MYO6: variants seen among roughly 807,000 people sequenced by gnomAD.
MYO6 encodes myosin VI, also known as unconventional myosin-VI.
Under a neutral mutation model 178.7 loss-of-function variants are expected in MYO6, and 74 were observed. The observed-to-expected ratio is 0.41, with a 90% CI of 0.34 to 0.50. The LOEUF (loss-of-function observed/expected upper bound fraction) is 0.50. Among genes scored for constraint, MYO6 ranks in the 20% least tolerant of loss-of-function variants. The pLI is 0.09. For missense variants in MYO6, 1,330 were observed against 1,547.4 expected, an observed-to-expected ratio of 0.86 and a Z score of 2.36; for synonymous variants, 477 against 504.6, an observed-to-expected ratio of 0.95 and a Z score of 0.73.
chr6:75,908,719 A>G (rs1246516662), intron 32 of MYO6, 92 bp downstream of exon 32: 7 of 1,394,104 alleles, frequency 5.0e-6, no homozygotes, highest in Non-Finnish European at 7.1e-6. Context: ...TGTCCCATAT[A>G]AATTTTCTCC....
intron 1 of MYO6, among the ~76,000 whole-genome samples, chr6:75,749,723 C>A (rs2149934726): frequency 6.6e-6 from 1 of 152,318 alleles, no homozygotes; most frequent in African/African-American, 2.4e-5. Flanking sequence ...GTGCCTAACT[C>A]GGACTTGGAC....
intron 1 of MYO6, among the ~76,000 whole-genome samples, chr6:75,781,103 G>A (rs1030812067): frequency 7.9e-5 from 12 of 151,974 alleles, no homozygotes; most frequent in African/African-American, 2.7e-4. Flanking sequence ...ATAAGCCACC[G>A]TGCCCAGCCG....
At chr6:75,773,988 G>A (rs1439999926) in intron 1 of MYO6, among the ~76,000 whole-genome samples, 2 of 152,152 alleles carry the variant, frequency 1.3e-5, no homozygotes, top group East Asian at 1.9e-4. Flanking sequence ...TTTATAAGGT[G>A]ACTGGGAAAT....
chr6:75,756,334 G>GT (rs972270527), intron 1 of MYO6, among the ~76,000 whole-genome samples: 3 of 152,072 alleles, frequency 2.0e-5, no homozygotes, highest in Non-Finnish European at 4.4e-5. Context: ...AGCAGCTATT[G>GT]TTTTTTCTTT....
intron 1 of MYO6, among the ~76,000 whole-genome samples, chr6:75,791,145 G>T (rs1768196649): frequency 1.3e-5 from 2 of 152,166 alleles, no homozygotes; most frequent in South Asian, 4.1e-4. Flanking sequence ...GTGTTAGCCA[G>T]GATGGTCTTG....
intron 1 of MYO6, among the ~76,000 whole-genome samples, chr6:75,807,171 G>C (rs1404888045): frequency 6.6e-6 from 1 of 152,170 alleles, no homozygotes; most frequent in Non-Finnish European, 1.5e-5. Flanking sequence ...TTTACTTACT[G>C]CTTTGAGTGT....
At chr6:75,749,623 GA>G (rs1776669829) in intron 1 of MYO6, among the ~76,000 whole-genome samples, 200 bp downstream of exon 1, 1 of 152,184 alleles carries the variant, frequency 6.6e-6, no homozygotes, top group Non-Finnish European at 1.5e-5. Context: ...CGTTTCCACC[GA>G]AAGACAATCA....
intron 1 of MYO6, among the ~76,000 whole-genome samples, chr6:75,772,185 A>G (rs16886870): frequency 0.022 from 3,301 of 152,200 alleles, 120 homozygotes; most frequent in African/African-American, 0.075. Context: ...AGCTTCTGAG[A>G]TGAAGTTTCT....
rs748011960 is a variant in MYO6, at chr6:75,832,889, A to T, written c.439A>T (p.Ile147Phe). ...DMKVLKMSQS[I>F]IVSGESGAGK... ...GAAGGTGCTCAAGATGAGTCAGTCT[A>T]TCATTGTATCTGGAGAATCAGGAGC... The change falls in exon 6 of 35, where the codon ATC becomes TTC. Residue 147 changes from isoleucine (I) to phenylalanine (F), a missense_variant. Coordinates refer to ENST00000369977, the MANE Select transcript of MYO6 (RefSeq NM_004999.4). The T allele has an allele frequency of 6.2e-7, 1 of 1,614,164 alleles. No individual in the cohort carries two copies.
intron 28 of MYO6, chr6:75,894,849 TG>T: frequency 1.3e-6 from 2 of 1,483,178 alleles, no homozygotes; most frequent in Non-Finnish European, 1.8e-6. Context: ...AAGTAAGAAT[TG>T]TTTTCTATGT....
At chr6:75,906,324 A>G (rs897943232) in intron 30 of MYO6, among the ~76,000 whole-genome samples, 2 of 152,196 alleles carry the variant, frequency 1.3e-5, no homozygotes, top group African/African-American at 4.8e-5. Context: ...TAAGTTTATT[A>G]TTACAGAAAA....
Position 75,916,053 on chromosome 6 carries a change from T to A in MYO6, c.*1041T>A, listed in dbSNP as rs1240713796. 1 of 152,536 alleles carries A rather than the reference T, an allele frequency of 6.6e-6. No individual in the cohort carries two copies. The highest frequency in any genetic ancestry group is 1.9e-4 in the East Asian group (1 of 5,204). The allele number at this position is 152,536 out of a possible 1,614,324, so 9.4% of individuals were successfully genotyped here. ...TTAGTAAGTGCTTGTTTTACATAACTGATAATTTTAAAATGTTTTCTTTGT... is the reference window on the plus strand; with the variant it reads ...TTAGTAAGTGCTTGTTTTACATAACAGATAATTTTAAAATGTTTTCTTTGT... On this transcript the variant is annotated 3_prime_UTR_variant, in exon 35 of 35. Transcript: ENST00000369977.
intron 10 of MYO6, among the ~76,000 whole-genome samples, chr6:75,847,128 A>G (rs995928119): frequency 6.6e-6 from 1 of 152,126 alleles, no homozygotes; most frequent in Admixed American, 6.6e-5. Flanking sequence ...AAATGAAGCA[A>G]TTCTTTGACT....
intron 1 of MYO6, among the ~76,000 whole-genome samples, chr6:75,778,813 T>C (rs1187594073): frequency 2.6e-5 from 4 of 151,786 alleles, no homozygotes; most frequent in African/African-American, 9.7e-5. Context: ...TCCCAGTATT[T>C]TGAGAGGCTG....
At chr6:75,849,791 T>A (rs1021300362) in intron 11 of MYO6, among the ~76,000 whole-genome samples, 1 of 152,186 alleles carries the variant, frequency 6.6e-6, no homozygotes, top group Non-Finnish European at 1.5e-5. Context: ...TTTTGTGATG[T>A]GTTTTAGATT....
At chr6:75,830,606 AT>A in intron 5 of MYO6, 61 bp downstream of exon 5, 1 of 1,513,132 alleles carries the variant, frequency 6.6e-7, no homozygotes, top group East Asian at 2.3e-5. Context: ...AATTTACTCA[AT>A]TTTTCTTTTG....
rs567879440 is a variant in MYO6, at chr6:75,828,879, T to A, written c.261+266T>A. Among the ~76,000 whole-genome samples, 4 of 152,288 alleles carry A rather than the reference T, an allele frequency of 2.6e-5. No individual in the cohort carries two copies. In the East Asian group the frequency reaches 7.7e-4, roughly 29 times the overall value. On this transcript the variant is annotated intron_variant, in intron 4 of 34. Coordinates refer to ENST00000369977, the MANE Select transcript of MYO6 (RefSeq NM_004999.4). ...ATTCAGAGTGTCGTTTAATATCTTT[T>A]GGACTTAAAAATGTCCAGTTTGAGT...
intron 30 of MYO6, among the ~76,000 whole-genome samples, chr6:75,907,263 G>A (rs1291684829): frequency 6.6e-6 from 1 of 152,132 alleles, no homozygotes; most frequent in Non-Finnish European, 1.5e-5. Flanking sequence ...TCTTGATTTT[G>A]AGGAATATAT....
chr6:75,804,869 C>CAT (rs1003223305), intron 1 of MYO6, among the ~76,000 whole-genome samples: 16 of 133,896 alleles, frequency 1.2e-4, no homozygotes, highest in South Asian at 2.4e-4. Flanking sequence ...TATATATGCG[C>CAT]ATATATATAT....
Sources: allele counts gnomAD v4.1 joint callset (sites outside exome capture counted in the v4.1 genomes callset), GRCh38; gene constraint gnomAD v4.1.1; transcripts MANE v1.5; gene names NCBI Gene and HGNC (gene_info 2026-07-23, HGNC 2026-07-21).